GRM3: variants seen among roughly 807,000 people sequenced by gnomAD.
GRM3 encodes glutamate metabotropic receptor 3, also known as metabotropic glutamate receptor 3.
A neutral mutation model predicts 70.5 loss-of-function variants in GRM3; 26 were observed. The observed-to-expected ratio is 0.37, with a 90% CI of 0.27 to 0.51. The LOEUF (loss-of-function observed/expected upper bound fraction) is 0.51, where lower values mean the gene tolerates loss of function less well. Among genes scored for constraint, GRM3 ranks in the 20% least tolerant of loss-of-function variants. The pLI, the probability that GRM3 is intolerant of heterozygous loss-of-function variation, is 0.93. For missense variants in GRM3, 859 were observed against 1,123.8 expected (o/e 0.76, Z 3.37); for synonymous variants, 443 against 434.9 (o/e 1.02, Z -0.23).
At chr7:86,757,139 A>G (rs1330526561) in intron 1 of GRM3, among the ~76,000 whole-genome samples, 1 of 152,144 alleles carries the variant, frequency 6.6e-6, no homozygotes, top group African/African-American at 2.4e-5. Context: ...TAATTCCAAA[A>G]TGTGCACCAT....
intron 3 of GRM3, among the ~76,000 whole-genome samples, chr7:86,801,289 T>C (rs1466936037): frequency 8.5e-5 from 13 of 152,088 alleles, no homozygotes; most frequent in African/African-American, 2.2e-4. Flanking sequence ...CAGGCTGATC[T>C]TGAACTCCTG....
At chr7:86,808,426 C>T (rs954896425) in intron 3 of GRM3, among the ~76,000 whole-genome samples, 1 of 151,930 alleles carries the variant, frequency 6.6e-6, no homozygotes, top group African/African-American at 2.4e-5. Flanking sequence ...AAGTCCCAGC[C>T]TTAGACTCTG....
intron 1 of GRM3, among the ~76,000 whole-genome samples, chr7:86,660,933 G>A (rs979738458): frequency 4.6e-5 from 7 of 151,764 alleles, no homozygotes; most frequent in Admixed American, 1.3e-4. Context: ...ATTAAATTTG[G>A]TATTAGCTAG....
At chr7:86,761,388 G>C (rs1796476869) in intron 1 of GRM3, among the ~76,000 whole-genome samples, 3 of 152,036 alleles carry the variant, frequency 2.0e-5, no homozygotes, top group Admixed American at 2.0e-4. Context: ...CAAGTACAAA[G>C]GCAGTATTTT....
In GRM3 at chr7:86,850,242, G is replaced by T. The variant is rs1040016978; in HGVS notation, c.2392-128G>T. 13 of 623,568 alleles carry T rather than the reference G, an allele frequency of 2.1e-5. No individual in the cohort carries two copies. In the African/African-American group the frequency reaches 2.2e-4, roughly 11 times the overall value. 38.6% of individuals were successfully genotyped at this position (623,568 alleles called of 1,614,324 possible). ...TTCAATATAATTACTGTATTGATTTGGCTACAATAAGGACAGAGCTGTCAA... is the reference window on the plus strand; with the variant it reads ...TTCAATATAATTACTGTATTGATTTTGCTACAATAAGGACAGAGCTGTCAA... On this transcript the variant is annotated intron_variant, in intron 4 of 5. Coordinates refer to ENST00000361669, the MANE Select transcript of GRM3 (RefSeq NM_000840.3).
At chr7:86,741,253 G>A (rs904384548) in intron 1 of GRM3, among the ~76,000 whole-genome samples, 1 of 152,112 alleles carries the variant, frequency 6.6e-6, no homozygotes, top group African/African-American at 2.4e-5. Context: ...GTTTATAGAG[G>A]GGAACTTACA....
At chr7:86,682,432 A>C (rs1421412005) in intron 1 of GRM3, among the ~76,000 whole-genome samples, 1 of 152,172 alleles carries the variant, frequency 6.6e-6, no homozygotes, top group Non-Finnish European at 1.5e-5. Flanking sequence ...AAAATAAATT[A>C]CAAAGAAAAT....
chr7:86,779,859 G>T (rs540123399), intron 2 of GRM3, among the ~76,000 whole-genome samples: 1 of 152,296 alleles, frequency 6.6e-6, no homozygotes, highest in East Asian at 1.9e-4. Flanking sequence ...TTGGGAAAAT[G>T]GTGGCAGATA....
At chr7:86,679,066 CG>C (rs1243726159) in intron 1 of GRM3, among the ~76,000 whole-genome samples, 2 of 151,824 alleles carry the variant, frequency 1.3e-5, no homozygotes, top group Admixed American at 6.6e-5. Context: ...GGTAAATGGC[CG>C]TATCGTATTG....
At chr7:86,657,336 C>T (rs1046523882) in intron 1 of GRM3, among the ~76,000 whole-genome samples, 1 of 152,156 alleles carries the variant, frequency 6.6e-6, no homozygotes, top group Non-Finnish European at 1.5e-5. Flanking sequence ...AGGAGCTTGG[C>T]TGTGAGACCC....
chr7:86,677,952 C>A (rs1366014168), intron 1 of GRM3, among the ~76,000 whole-genome samples: 3 of 151,702 alleles, frequency 2.0e-5, no homozygotes, highest in Admixed American at 6.6e-5. Context: ...TTAGAAGAAC[C>A]TAAATTTCCC....
intron 1 of GRM3, among the ~76,000 whole-genome samples, chr7:86,763,044 G>C (rs1427023378): frequency 6.6e-6 from 1 of 152,130 alleles, no homozygotes; most frequent in Non-Finnish European, 1.5e-5. Flanking sequence ...TACATTGATA[G>C]AAGATGGGCT....
chr7:86,834,295 T>A (rs1431129830), intron 3 of GRM3, among the ~76,000 whole-genome samples: 2 of 152,224 alleles, frequency 1.3e-5, no homozygotes, highest in Non-Finnish European at 2.9e-5. Flanking sequence ...TCTGGAACTC[T>A]TGTTGGTTAC....
rs1799027088 is a variant in GRM3 at position 86,864,638 on chromosome 7, C to CAAAAAAAAAAAACAA, written c.*295_*309dup. ...CTGACATGGTCAGTCTACTAAAAAA[C>CAAAAAAAAAAAACAA]AAAAAAAAAAAACAAAAAAAAAAAA... On this transcript the variant is annotated 3_prime_UTR_variant, in exon 6 of 6. Transcript: ENST00000361669. 2.2e-5 allele frequency: 1 copy of CAAAAAAAAAAAACAA among 45,372 alleles called. No homozygotes were observed. Among genetic ancestry groups the CAAAAAAAAAAAACAA allele is most frequent in the Non-Finnish European group, 4.4e-5 (1 of 22,474 alleles). 2.8% of individuals were successfully genotyped at this position (45,372 alleles called of 1,614,324 possible). A position where few individuals can be genotyped will look rare whatever the true frequency, so the allele number is the denominator to read the frequency against.
At chr7:86,812,339 A>G (rs1797926150) in intron 3 of GRM3, among the ~76,000 whole-genome samples, 2 of 151,836 alleles carry the variant, frequency 1.3e-5, no homozygotes. Context: ...TGCCTGATAC[A>G]GTGTGGGACA....
intron 3 of GRM3, among the ~76,000 whole-genome samples, chr7:86,822,056 C>T (rs944455121): frequency 4.6e-5 from 7 of 151,888 alleles, no homozygotes; most frequent in African/African-American, 1.7e-4. Flanking sequence ...CTAACTACAA[C>T]GCTGATTGTG....
intron 3 of GRM3, among the ~76,000 whole-genome samples, chr7:86,803,419 C>T (rs946729700): frequency 6.6e-6 from 1 of 152,112 alleles, no homozygotes; most frequent in Non-Finnish European, 1.5e-5. Flanking sequence ...TCTTTTAAGG[C>T]TGAATTAATC....
chr7:86,862,910 C>T (rs959723014), intron 5 of GRM3, among the ~76,000 whole-genome samples: 4 of 152,156 alleles, frequency 2.6e-5, no homozygotes, highest in African/African-American at 9.7e-5. Context: ...CAAGCATGGA[C>T]ATTTAAACAT....
intron 2 of GRM3, among the ~76,000 whole-genome samples, chr7:86,766,112 C>T (rs1251760095): frequency 6.6e-6 from 1 of 152,134 alleles, no homozygotes; most frequent in Non-Finnish European, 1.5e-5. Context: ...AAGCAACTCA[C>T]AGGGCTCAAT....
Sources: gnomAD v4.1 joint callset for allele counts (sites outside exome capture counted in the v4.1 genomes callset) on GRCh38, gnomAD v4.1.1 for gene constraint, MANE v1.5 for transcripts, NCBI Gene and HGNC (gene_info 2026-07-23, HGNC 2026-07-21) for gene names.